Variants in PPP2R3A observed in about 807,000 individuals in gnomAD.
PPP2R3A encodes the protein serine/threonine-protein phosphatase 2A regulatory subunit B'' subunit alpha.
Under a neutral mutation model 106.9 loss-of-function variants are expected in PPP2R3A, and 80 were observed. That is an observed-to-expected ratio of 0.75 (90% CI 0.62 to 0.90). The LOEUF (loss-of-function observed/expected upper bound fraction) is 0.90. Ranked by LOEUF, PPP2R3A falls within the 40% of genes least tolerant of loss-of-function variation. The pLI is 0.00. For missense variants in PPP2R3A, 1,386 were observed against 1,350.4 expected, an observed-to-expected ratio of 1.03 and a Z score of -0.41; for synonymous variants, 483 against 468.3, an observed-to-expected ratio of 1.03 and a Z score of -0.41.
chr3:136,090,750 G>T, intron 10 of PPP2R3A, 83 bp downstream of exon 10: 1 of 1,077,786 alleles, frequency 9.3e-7, no homozygotes. Flanking sequence ...TATACCTAGT[G>T]AGGCCAACTC....
chr3:136,046,570 G>A (rs76799353), intron 4 of PPP2R3A, among the ~76,000 whole-genome samples: 8,394 of 152,088 alleles, frequency 0.055, 268 homozygotes, highest in Non-Finnish European at 0.076. Context: ...AAACCCTCAA[G>A]GGAAATAAAG....
At chr3:136,044,256 C>G (rs1164558261) in intron 4 of PPP2R3A, among the ~76,000 whole-genome samples, 2 of 152,166 alleles carry the variant, frequency 1.3e-5, no homozygotes, top group Non-Finnish European at 2.9e-5. Context: ...CTAATAAGCA[C>G]AAATGAAGTA....
At chr3:136,113,796 GAAA>G (rs111452142) in intron 13 of PPP2R3A, among the ~76,000 whole-genome samples, 1 of 128,670 alleles carries the variant, frequency 7.8e-6, no homozygotes, top group Admixed American at 7.8e-5. Flanking sequence ...CCCTGTGTCA[GAAA>G]AAAAAAAAAA....
At chr3:136,068,293 AATG>A (rs1936322256) in intron 5 of PPP2R3A, among the ~76,000 whole-genome samples, 1 of 152,304 alleles carries the variant, frequency 6.6e-6, no homozygotes, top group South Asian at 2.1e-4. Context: ...TGAGCAACAA[AATG>A]ATGATAGTAT....
In PPP2R3A at chr3:136,102,427, A is replaced by G. The variant is rs1039419684; in HGVS notation, c.3103+245A>G. Among the ~76,000 whole-genome samples the G allele has an allele frequency of 6.1e-5, 9 of 148,634 alleles. No homozygotes were observed. In the Middle Eastern group the frequency reaches 0.014, roughly 226 times the overall value. On this transcript the variant is annotated intron_variant, in intron 11 of 13. Transcript: ENST00000264977. ...AATGGTGTGATCTCAGCTCACTGCA[A>G]CCTCCGCCTCCTGGGTTCAAGTGAT...
intron 13 of PPP2R3A, among the ~76,000 whole-genome samples, chr3:136,124,358 C>CTA (rs948637444): frequency 1.4e-4 from 22 of 152,168 alleles, no homozygotes; most frequent in East Asian, 3.9e-4. Flanking sequence ...TGGCATACAC[C>CTA]TATAGTTCTA....
intron 4 of PPP2R3A, among the ~76,000 whole-genome samples, chr3:136,043,747 C>A (rs1379422058): frequency 6.6e-6 from 1 of 152,170 alleles, no homozygotes; most frequent in Admixed American, 6.5e-5. Flanking sequence ...GCTTTACTTT[C>A]TTTTACCTTT....
chr3:136,034,975 G>A (rs112589113), intron 3 of PPP2R3A, among the ~76,000 whole-genome samples: 1,649 of 152,216 alleles, frequency 0.011, 23 homozygotes, highest in African/African-American at 0.037. Context: ...ATTATGTAAT[G>A]TCCCTCTTTT....
At chr3:136,032,134 C>G (rs912055337) in intron 3 of PPP2R3A, among the ~76,000 whole-genome samples, 1 of 152,282 alleles carries the variant, frequency 6.6e-6, no homozygotes, top group Non-Finnish European at 1.5e-5. Flanking sequence ...AATATTGATT[C>G]TACCCATCCA....
intron 5 of PPP2R3A, among the ~76,000 whole-genome samples, chr3:136,065,184 G>C (rs1936223313): frequency 5.3e-5 from 8 of 152,140 alleles, no homozygotes; most frequent in Admixed American, 5.2e-4. Flanking sequence ...GGGGAGTAAA[G>C]TAGGACAGTA....
chr3:136,056,272 A>G (rs370979597), intron 5 of PPP2R3A, among the ~76,000 whole-genome samples: 6 of 152,322 alleles, frequency 3.9e-5, no homozygotes, highest in African/African-American at 1.4e-4. Context: ...CCTGGATAGA[A>G]CACTGGAATA....
chr3:136,104,541 G>A (rs1045658511), intron 12 of PPP2R3A, among the ~76,000 whole-genome samples: 1 of 152,092 alleles, frequency 6.6e-6, no homozygotes, highest in Non-Finnish European at 1.5e-5. Flanking sequence ...CCCGACCTTA[G>A]GTGATCTGCC....
chr3:136,024,457 G>C (rs1314925951), intron 2 of PPP2R3A, among the ~76,000 whole-genome samples: 1 of 152,132 alleles, frequency 6.6e-6, no homozygotes, highest in Non-Finnish European at 1.5e-5. Flanking sequence ...TGGATTAATA[G>C]TTGCCTATCA....
chr3:136,029,978 G>A (rs550280957), intron 3 of PPP2R3A, among the ~76,000 whole-genome samples: 12 of 152,316 alleles, frequency 7.9e-5, no homozygotes, highest in Admixed American at 3.3e-4. Flanking sequence ...TTGGGAGGTC[G>A]AGGCAGGAGA....
intron 5 of PPP2R3A, among the ~76,000 whole-genome samples, chr3:136,050,841 C>G (rs1935660835): frequency 6.6e-6 from 1 of 152,118 alleles, no homozygotes; most frequent in African/African-American, 2.4e-5. Flanking sequence ...GGTGAGCTCC[C>G]TACTCACTAC....
In PPP2R3A at chr3:136,002,873, A is replaced by G. The variant is rs770209069; in HGVS notation, c.1375A>G (p.Lys459Glu). The G allele has an allele frequency of 3.7e-6, 6 of 1,613,720 alleles. No homozygotes were observed. The highest frequency in any genetic ancestry group is 5.1e-6 in the Non-Finnish European group (6 of 1,179,838). The change falls in exon 2 of 14, where the codon AAA (lysine) becomes GAA (glutamate). Residue 459 changes from lysine (K) to glutamate (E), a missense_variant. Transcript: ENST00000264977. ...AEFPEHATHL[K>E]KCPTPMQNEI... The stretch of plus-strand genomic sequence containing the variant: ...ATTTCCAGAACATGCTACTCATCTT[A>G]AAAAATGCCCCACCCCAATGCAAAA...
At chr3:136,055,614 A>G in intron 5 of PPP2R3A, 1 of 1,383,578 alleles carries the variant, frequency 7.2e-7, no homozygotes, top group Non-Finnish European at 1.0e-6. Flanking sequence ...CAACTGCTGT[A>G]TTTAACACCT....
At chr3:136,099,901 T>A (rs1315547407) in intron 10 of PPP2R3A, among the ~76,000 whole-genome samples, 1 of 145,830 alleles carries the variant, frequency 6.9e-6, no homozygotes. Context: ...GCTATGTAGA[T>A]CTCAATAACA....
chr3:136,094,511 A>G (rs1320347120), intron 10 of PPP2R3A, among the ~76,000 whole-genome samples: 2 of 152,230 alleles, frequency 1.3e-5, no homozygotes, highest in Non-Finnish European at 2.9e-5. Context: ...GTATTAAACA[A>G]CACACTTCTA....
Sources: allele counts gnomAD v4.1 joint callset (sites outside exome capture counted in the v4.1 genomes callset), GRCh38; gene constraint gnomAD v4.1.1; transcripts MANE v1.5; gene names NCBI Gene and HGNC (gene_info 2026-07-23, HGNC 2026-07-21).